MYO16: variants seen among roughly 807,000 people sequenced by gnomAD.
MYO16 encodes the protein myosin XVI, also known as unconventional myosin-XVI.
In MYO16, 94 loss-of-function variants were observed where a neutral mutation model predicts 205.3. That is an observed-to-expected ratio of 0.46 (90% confidence interval 0.39 to 0.54). The LOEUF is 0.54. Among genes scored for constraint, MYO16 ranks in the 20% least tolerant of loss-of-function variants. The pLI is 0.00. For missense variants in MYO16, 2,315 were observed against 2,387.5 expected (o/e 0.97, Z 0.63); for synonymous variants, 988 against 954.0 (o/e 1.04, Z -0.66).
intron 7 of MYO16, among the ~76,000 whole-genome samples, chr13:108,819,514 AG>A (rs1875846816): frequency 2.6e-5 from 4 of 152,180 alleles, no homozygotes; most frequent in Admixed American, 6.6e-5. Flanking sequence ...TGGGAAATAG[AG>A]AGAAACATAG....
At chr13:109,073,998 T>C (rs1205074319) in intron 27 of MYO16, among the ~76,000 whole-genome samples, 1 of 152,238 alleles carries the variant, frequency 6.6e-6, no homozygotes, top group Non-Finnish European at 1.5e-5. Context: ...GTGCAAACTA[T>C]ACATCAGAAG....
At chr13:108,538,171 G>A in the MYO16 span, among the ~76,000 whole-genome samples, 4 of 151,898 alleles carry the variant, frequency 2.6e-5, no homozygotes, top group Admixed American at 1.3e-4. Flanking sequence ...TTTATGTATG[G>A]GAGATAATTT....
At chr13:109,050,906 A>G (rs1328254753) in intron 24 of MYO16, among the ~76,000 whole-genome samples, 1 of 152,062 alleles carries the variant, frequency 6.6e-6, no homozygotes, top group Non-Finnish European at 1.5e-5. Context: ...TGGCCTTCCA[A>G]AAATGTTCCA....
intron 1 of MYO16, among the ~76,000 whole-genome samples, chr13:108,637,155 T>C (rs1281179960): frequency 6.6e-6 from 1 of 152,244 alleles, no homozygotes; most frequent in Non-Finnish European, 1.5e-5. Flanking sequence ...TTTATACATT[T>C]GACTTTTATA....
At chr13:109,198,408 T>TA (rs1880251513) in intron 34 of MYO16, among the ~76,000 whole-genome samples, 1 of 151,734 alleles carries the variant, frequency 6.6e-6, no homozygotes, top group Non-Finnish European at 1.5e-5. Context: ...ATCTTACCCC[T>TA]AAAATTCAAA....
At chr13:109,173,950 G>GGGC (rs1555338664) in intron 33 of MYO16, among the ~76,000 whole-genome samples, 2 of 146,918 alleles carry the variant, frequency 1.4e-5, no homozygotes, top group African/African-American at 5.1e-5. Context: ...GTTTTGATGG[G>GGGC]GGGGGGTACT....
intron 21 of MYO16, among the ~76,000 whole-genome samples, chr13:109,002,113 A>G (rs993971979): frequency 6.6e-6 from 1 of 152,120 alleles, no homozygotes; most frequent in Non-Finnish European, 1.5e-5. Context: ...CAATGCCTGC[A>G]CCCCACTCCA....
chr13:108,545,864 G>T, the MYO16 span, among the ~76,000 whole-genome samples: 1 of 152,146 alleles, frequency 6.6e-6, no homozygotes, highest in Non-Finnish European at 1.5e-5. Context: ...CTTACTGTGT[G>T]CTTGGACAAC....
intron 11 of MYO16, among the ~76,000 whole-genome samples, chr13:108,861,050 A>C (rs1412472945): frequency 6.6e-6 from 1 of 152,060 alleles, no homozygotes; most frequent in Non-Finnish European, 1.5e-5. Flanking sequence ...CTGAGCAATC[A>C]TTTTTTCCCA....
chr13:108,855,363 A>G, intron 10 of MYO16, 80 bp from the exon 11 acceptor site: 1 of 737,824 alleles, frequency 1.4e-6, no homozygotes, highest in Non-Finnish European at 2.1e-6. Context: ...TTGACAGGTA[A>G]TTGAAAGTGG....
chr13:108,510,485 T>TTTTTTTTTTTTTA, the MYO16 span, among the ~76,000 whole-genome samples: 14 of 96,468 alleles, frequency 1.5e-4, no homozygotes, highest in African/African-American at 2.1e-4. Flanking sequence ...TTTTTTTTTT[T>TTTTTTTTTTTTTA]ATTGTACTTT....
At chr13:108,992,816 G>C (rs1167638299) in intron 21 of MYO16, among the ~76,000 whole-genome samples, 2 of 152,158 alleles carry the variant, frequency 1.3e-5, no homozygotes, top group Non-Finnish European at 2.9e-5. Context: ...AAAATGCTCT[G>C]TTATGCTACA....
rs946723783 is a variant in MYO16, at chr13:108,711,103, G to C, written c.293-1558G>C. On this transcript the variant is annotated intron_variant, in intron 2 of 34. Coordinates refer to ENST00000457511, the MANE Select transcript of MYO16 (RefSeq NM_001198950.3). ...AGAGAAAGGGAGGCAGAGAAAGGGT[G>C]GGGGGAAGAGCATCTCCATACCACG... 5.9e-5 allele frequency among the ~76,000 whole-genome samples: 9 copies of C among 152,254 alleles called. No homozygotes were observed. The East Asian group carries it at 9.7e-4, about 16-fold the overall frequency.
intron 34 of MYO16, among the ~76,000 whole-genome samples, chr13:109,194,334 A>G (rs1426492555): frequency 1.3e-5 from 2 of 152,152 alleles, no homozygotes; most frequent in African/African-American, 4.8e-5. Context: ...ACTAAACTCA[A>G]TTGTACCTGA....
intron 14 of MYO16, among the ~76,000 whole-genome samples, chr13:108,896,895 C>G (rs924645880): frequency 6.6e-6 from 1 of 151,984 alleles, no homozygotes; most frequent in Non-Finnish European, 1.5e-5. Flanking sequence ...TTGCTTGAAT[C>G]CAGGAGGCAG....
In MYO16 at chr13:109,127,523, T is replaced by A; in HGVS notation, c.4024T>A (p.Ser1342Thr). 2.5e-6 allele frequency: 4 copies of A among 1,612,198 alleles called. No homozygotes were observed. Among genetic ancestry groups the A allele is most frequent in the Non-Finnish European group, 3.4e-6 (4 of 1,179,840 alleles). ...ASYEAVSACLSAAREAANEAL... is the reference protein window; with the variant it reads ...ASYEAVSACLTAAREAANEAL... The stretch of plus-strand genomic sequence containing the variant: ...CTATGAGGCTGTGAGCGCCTGCCTC[T>A]CCGCGGCCAGGGAAGCGGCCAACGA... The change falls in exon 31 of 35, where the codon TCC (serine) becomes ACC (threonine). Residue 1342 changes from serine to threonine, a missense_variant. Ser to Thr is a moderately conservative substitution (Grantham distance 58). Around this residue, in one of 3 missense-constraint regions of MYO16, gnomAD observed 1,097 missense variants for 1,092.0 expected, o/e 1.00. Coordinates refer to ENST00000457511, the MANE Select transcript of MYO16 (RefSeq NM_001198950.3). This position sits in a 1 kb window ranked among gnomAD's most constrained non-coding sequence, Gnocchi z 4.2.
At chr13:108,632,365 T>C (rs751913912) in intron 1 of MYO16, among the ~76,000 whole-genome samples, 1 of 152,152 alleles carries the variant, frequency 6.6e-6, no homozygotes, top group Non-Finnish European at 1.5e-5. Flanking sequence ...AGGAAGTGGA[T>C]GAATTCCAGG....
chr13:108,873,677 A>G (rs919188153), intron 12 of MYO16, among the ~76,000 whole-genome samples: 1 of 129,110 alleles, frequency 7.7e-6, no homozygotes, highest in African/African-American at 2.8e-5. Context: ...GACAGGGTCC[A>G]TGCCAACCAA....
chr13:109,060,318 G>A (rs1414273374), intron 27 of MYO16, among the ~76,000 whole-genome samples: 1 of 152,126 alleles, frequency 6.6e-6, no homozygotes, highest in Non-Finnish European at 1.5e-5. Context: ...AAAAGAATGA[G>A]CTCATGTCCT....
Sources: gnomAD v4.1 joint callset for allele counts (sites outside exome capture counted in the v4.1 genomes callset) on GRCh38, gnomAD v4.1.1 for gene constraint, gnomAD v4.1.1 regional missense constraint, Gnocchi (gnomAD v3.1) non-coding constraint, MANE v1.5 for transcripts, NCBI Gene and HGNC (gene_info 2026-07-23, HGNC 2026-07-21) for gene names.